Variants in LMBR1 observed in about 807,000 individuals in gnomAD.
The protein encoded by LMBR1 is limb region 1 protein homolog.
LMBR1 carries 52 observed loss-of-function variants against 73.9 expected under a neutral mutation model. The observed-to-expected ratio is 0.70, with a 90% confidence interval of 0.56 to 0.89. The LOEUF (loss-of-function observed/expected upper bound fraction) is 0.89, where lower values mean the gene tolerates loss of function less well. LMBR1 is among the 40% of genes least tolerant of loss of function. The pLI is 0.00. For missense variants in LMBR1, 539 were observed against 579.8 expected (o/e 0.93, Z 0.72); for synonymous variants, 215 against 209.4 (o/e 1.03, Z -0.23).
chr7:156,716,767 T>A (rs1380134805), intron 15 of LMBR1, among the ~76,000 whole-genome samples: 2 of 152,336 alleles, frequency 1.3e-5, no homozygotes, highest in Non-Finnish European at 2.9e-5. Context: ...AGCTCTCTGC[T>A]TTTTATGCTA....
chr7:156,760,017 A>G (rs2132864650), intron 8 of LMBR1, among the ~76,000 whole-genome samples: 1 of 152,316 alleles, frequency 6.6e-6, no homozygotes, highest in East Asian at 1.9e-4. Context: ...AGGTCAAAGC[A>G]GGTGACCAGG....
chr7:156,742,015 T>C (rs981948036), intron 9 of LMBR1, among the ~76,000 whole-genome samples: 3 of 151,938 alleles, frequency 2.0e-5, no homozygotes. Flanking sequence ...TACAAACACA[T>C]GGAAATTAAA....
At chr7:156,882,359 C>T (rs1801221769) in intron 1 of LMBR1, among the ~76,000 whole-genome samples, 1 of 152,096 alleles carries the variant, frequency 6.6e-6, no homozygotes, top group South Asian at 2.1e-4. Flanking sequence ...GTGAGAGGAT[C>T]ATTTGAGCCC....
intron 1 of LMBR1, among the ~76,000 whole-genome samples, chr7:156,870,719 C>A (rs1362157783): frequency 1.3e-5 from 2 of 150,378 alleles, no homozygotes; most frequent in East Asian, 2.0e-4. Context: ...GAGCCGAGAT[C>A]GCGGCACAAC....
chr7:156,820,504 T>C (rs377020248), intron 4 of LMBR1, among the ~76,000 whole-genome samples: 23 of 152,278 alleles, frequency 1.5e-4, no homozygotes, highest in Admixed American at 1.1e-3. Flanking sequence ...TCTAAACTTA[T>C]TGGTAAGACA....
intron 2 of LMBR1, among the ~76,000 whole-genome samples, chr7:156,836,600 A>G (rs957858972): frequency 5.3e-5 from 8 of 152,234 alleles, no homozygotes; most frequent in Non-Finnish European, 7.3e-5. Flanking sequence ...AAGAATTGTG[A>G]TAAACAAGGA....
intron 1 of LMBR1, among the ~76,000 whole-genome samples, chr7:156,871,666 C>A (rs557582915): frequency 2.0e-5 from 3 of 152,170 alleles, no homozygotes; most frequent in Admixed American, 6.5e-5. Flanking sequence ...TGTGGTACAC[C>A]ACAATAACAA....
At chr7:156,802,024 C>T (rs1831085349) in intron 4 of LMBR1, among the ~76,000 whole-genome samples, 1 of 152,086 alleles carries the variant, frequency 6.6e-6, no homozygotes. Context: ...ACTCTGTTGC[C>T]CAGGCTGGAG....
Position 156,679,198 on chromosome 7 carries a change from G to A in LMBR1, c.*4880C>T, listed in dbSNP as rs1206304308. 1 of 152,166 alleles carries A rather than the reference G, an allele frequency of 6.6e-6. No individual in the cohort carries two copies. The highest frequency in any genetic ancestry group is 1.9e-4 in the East Asian group (1 of 5,192). 9.4% of individuals were successfully genotyped at this position (152,166 alleles called of 1,614,324 possible). On this transcript the variant is annotated 3_prime_UTR_variant, in exon 17 of 17. Transcript: ENST00000353442. ...TGTGTATTTTCGGCTTCGCAAGGTG[G>A]TCCTGGGGGTGACTGTGGGACGACA...
chr7:156,696,883 G>A (rs934059230), intron 15 of LMBR1, among the ~76,000 whole-genome samples: 26 of 152,220 alleles, frequency 1.7e-4, no homozygotes, highest in African/African-American at 6.3e-4. Flanking sequence ...TAACTCAAAA[G>A]TCCACAGTCC....
At chr7:156,886,831 T>A (rs1324941798) in intron 1 of LMBR1, among the ~76,000 whole-genome samples, 7 of 152,154 alleles carry the variant, frequency 4.6e-5, no homozygotes, top group Admixed American at 4.6e-4. Flanking sequence ...CCACAAAGAG[T>A]CTGTTCTCTC....
intron 9 of LMBR1, among the ~76,000 whole-genome samples, chr7:156,751,103 T>C (rs1307266439): frequency 6.6e-6 from 1 of 152,118 alleles, no homozygotes; most frequent in Non-Finnish European, 1.5e-5. Flanking sequence ...GAGTGAGACC[T>C]TGTCTCAATA....
intron 10 of LMBR1, among the ~76,000 whole-genome samples, chr7:156,733,612 G>C (rs760913307): frequency 6.6e-6 from 1 of 151,826 alleles, no homozygotes; most frequent in Non-Finnish European, 1.5e-5. Flanking sequence ...ATGAAATACA[G>C]CAAGAAAAAA....
chr7:156,784,815 G>A (rs767093195), intron 5 of LMBR1, among the ~76,000 whole-genome samples: 3 of 152,150 alleles, frequency 2.0e-5, no homozygotes, highest in South Asian at 2.1e-4. Context: ...CCTAGGCAGT[G>A]GAAAGTCAGT....
In LMBR1 at chr7:156,683,988, G is replaced by A. The variant is rs1178092350; in HGVS notation, c.*90C>T. 9.2e-7 allele frequency: 1 copy of A among 1,084,286 alleles called. No individual in the cohort carries two copies. Among genetic ancestry groups the A allele is most frequent in the African/African-American group, 1.6e-5 (1 of 63,290 alleles). 67.2% of individuals were successfully genotyped at this position (1,084,286 alleles called of 1,614,324 possible). On this transcript the variant is annotated 3_prime_UTR_variant, in exon 17 of 17. Transcript: ENST00000353442. ...GTCTAGGTTCTGAAGAGGGGCCACGGTTGAATGGAAATGCTTCTACATGGG... is the reference window on the plus strand; with the variant it reads ...GTCTAGGTTCTGAAGAGGGGCCACGATTGAATGGAAATGCTTCTACATGGG...
chr7:156,796,312 C>T, intron 5 of LMBR1, 77 bp downstream of exon 5: 1 of 894,772 alleles, frequency 1.1e-6, no homozygotes, highest in East Asian at 2.8e-5. Context: ...TAATTTAAGT[C>T]TGCTTTTTCT....
In LMBR1 at chr7:156,775,991, T is replaced by C. The variant is rs151241377; in HGVS notation, c.424-12196A>G. Among the ~76,000 whole-genome samples the C allele has an allele frequency of 2.7e-3, 409 of 151,478 alleles. 4 individuals carry two copies. The highest frequency in any genetic ancestry group is 9.3e-3 in the African/African-American group (385 of 41,378). On this transcript the variant is annotated intron_variant, in intron 5 of 16. Coordinates refer to ENST00000353442, the MANE Select transcript of LMBR1 (RefSeq NM_022458.4). ...TTTCCTCCCATGTGAAATGAGGATA[T>C]GAATAGCACCCCTACCTTATAGGGT... is the stretch of plus-strand genomic sequence containing the variant.
At chr7:156,889,960 C>T (rs921423689) in intron 1 of LMBR1, among the ~76,000 whole-genome samples, 2 of 152,010 alleles carry the variant, frequency 1.3e-5, no homozygotes, top group African/African-American at 2.4e-5. Flanking sequence ...GCCATGATTG[C>T]GCCACTGCAC....
chr7:156,835,923 C>T lies in LMBR1; in HGVS notation c.139+890G>A, dbSNP rs563885443. On this transcript the variant is annotated intron_variant, in intron 2 of 16. Transcript: ENST00000353442. ...ATATACATTCATTCTTTCTCTCTCC[C>T]TCCTTCTGTGTCTACAGTTCATGAA... Among the ~76,000 whole-genome samples the T allele has an allele frequency of 5.9e-5, 9 of 152,288 alleles. No individual in the cohort carries two copies. In the East Asian group the frequency reaches 1.5e-3, roughly 26 times the overall value.
Sources: gnomAD v4.1 joint callset for allele counts (sites outside exome capture counted in the v4.1 genomes callset) on GRCh38, gnomAD v4.1.1 for gene constraint, MANE v1.5 for transcripts, NCBI Gene and HGNC (gene_info 2026-07-23, HGNC 2026-07-21) for gene names.